Variants in RIPOR3 observed in about 807,000 individuals in gnomAD.
RIPOR3 encodes the protein family with sequence similarity 65 member C.
Under a neutral mutation model 114.3 loss-of-function variants are expected in RIPOR3, and 95 were observed. The observed-to-expected ratio is 0.83, with a 90% CI of 0.70 to 0.99. RIPOR3 has a LOEUF of 0.99. Among genes scored for constraint, RIPOR3 ranks in the 50% least tolerant of loss-of-function variants. The probability of loss-of-function intolerance (pLI) is 0.00; values close to 1 mark genes in which losing one functional copy is unlikely to be tolerated. For missense variants in RIPOR3, 1,252 were observed against 1,266.9 expected (o/e 0.99, Z 0.18); for synonymous variants, 575 against 543.8 (o/e 1.06, Z -0.80).
At position 50,598,681 on chromosome 20, in the gene RIPOR3, G is replaced by A. The variant is rs537054177; in HGVS notation, c.1660-971C>T. On this transcript the variant is annotated intron_variant, in intron 13 of 21. Coordinates refer to ENST00000327979, the MANE Select transcript of RIPOR3 (RefSeq NM_001290268.2). ...TATGTTCTAGAGGCCAAGGCGGGCAGATCACTTGAGGTCAGGAGTTCAAGA... is the reference window on the plus strand; with the variant it reads ...TATGTTCTAGAGGCCAAGGCGGGCAAATCACTTGAGGTCAGGAGTTCAAGA... Among the ~76,000 whole-genome samples the A allele has an allele frequency of 3.3e-3, 495 of 152,290 alleles. 3 individuals are homozygous for A. The highest frequency in any genetic ancestry group is 0.011 in the African/African-American group (475 of 41,556).
chr20:50,616,022 T>G lies in RIPOR3; in HGVS notation c.328A>C (p.Thr110Pro), dbSNP rs2084159814. The G allele has an allele frequency of 6.2e-7, 1 of 1,610,184 alleles. No homozygotes were observed. The highest frequency in any genetic ancestry group is 8.5e-7 in the Non-Finnish European group (1 of 1,178,470). The change falls in exon 4 of 22, where the codon ACC becomes CCC. Residue 110 changes from threonine to proline, a missense_variant. Thr to Pro is a conservative substitution (Grantham distance 38). Coordinates refer to ENST00000327979, the MANE Select transcript of RIPOR3 (RefSeq NM_001290268.2). ...LDHLSGRHKD[T>P]RRNSRLAFYY... ...CTCACCAGCCTGGAATTCCTCCTGG[T>G]GTCTTTGTGGCGTCCAGACAGGTGG...
chr20:50,655,413 A>G (rs909907925), intron 1 of RIPOR3, among the ~76,000 whole-genome samples: 1 of 152,220 alleles, frequency 6.6e-6, no homozygotes, highest in African/African-American at 2.4e-5. Flanking sequence ...AAGCAGCCAG[A>G]CACACGGGCT....
chr20:50,587,853 A>T lies in RIPOR3; in HGVS notation c.2701T>A (p.Ser901Thr). The part of the protein sequence containing the change: ...SIDQTASLCQ[S>T]DLEAVRAAAR... ...GCCGCCCGCACGGCCTCCAGGTCAG[A>T]CTGGCACAGGCTGGCAGTCTGGTCG... Residue 901 changes from serine to threonine, a missense_variant, in exon 21 of 22, where the codon TCT becomes ACT. Transcript: ENST00000327979. 1 of 1,614,166 alleles carries T rather than the reference A, an allele frequency of 6.2e-7. No individual in the cohort carries two copies.
chr20:50,683,775 T>A (rs141593006), intron 1 of RIPOR3, among the ~76,000 whole-genome samples: 139 of 151,784 alleles, frequency 9.2e-4, no homozygotes, highest in Middle Eastern at 3.4e-3. Flanking sequence ...TTACTTGAGG[T>A]CCATTTTTAA....
At chr20:50,679,691 C>A (rs1478656683) in intron 1 of RIPOR3, among the ~76,000 whole-genome samples, 8 of 151,090 alleles carry the variant, frequency 5.3e-5, no homozygotes, top group African/African-American at 1.9e-4. Flanking sequence ...ATCACTTGAA[C>A]CTGGGAGGCA....
intron 1 of RIPOR3, among the ~76,000 whole-genome samples, chr20:50,633,662 G>A (rs1487541722): frequency 6.6e-6 from 1 of 152,172 alleles, no homozygotes; most frequent in Non-Finnish European, 1.5e-5. Flanking sequence ...AAGCCTTCTG[G>A]GCCGTTCCTG....
At position 50,672,042 on chromosome 20, in the gene RIPOR3, TTGGA is replaced by T. The variant is rs1237867734; in HGVS notation, c.3+19080_3+19083del. On this transcript the variant is annotated intron_variant, in intron 1 of 21. Coordinates refer to ENST00000327979, the MANE Select transcript of RIPOR3 (RefSeq NM_001290268.2). ...GATGGGTAGGTGGGTGGGTGGGTGATTGGATGGATGGAAGGATGGATGGGTGGAT... is the reference window on the plus strand; with the variant it reads ...GATGGGTAGGTGGGTGGGTGGGTGATTGGATGGAAGGATGGATGGGTGGAT... Among the ~76,000 whole-genome samples the T allele has an allele frequency of 3.4e-5, 5 of 147,544 alleles. No individual in the cohort carries two copies. In the East Asian group the frequency reaches 8.2e-4, roughly 24 times the overall value.
chr20:50,689,172 CTTTT>C (rs71964773), intron 1 of RIPOR3, among the ~76,000 whole-genome samples: 51 of 88,816 alleles, frequency 5.7e-4, no homozygotes, highest in African/African-American at 1.5e-3. Context: ...CTCCAAACTT[CTTTT>C]TTTTTTTTTT....
At chr20:50,640,447 A>G (rs1459068358) in intron 1 of RIPOR3, among the ~76,000 whole-genome samples, 1 of 148,364 alleles carries the variant, frequency 6.7e-6, no homozygotes, top group African/African-American at 2.5e-5. Flanking sequence ...TTTCCATCCA[A>G]AAACACACAA....
chr20:50,673,849 A>C (rs2086603333), intron 1 of RIPOR3, among the ~76,000 whole-genome samples: 1 of 152,180 alleles, frequency 6.6e-6, no homozygotes, highest in South Asian at 2.1e-4. Flanking sequence ...CGTTGCGAGC[A>C]TTTATTTAAT....
chr20:50,603,182 C>T (rs1216019883), intron 12 of RIPOR3, among the ~76,000 whole-genome samples: 1 of 152,264 alleles, frequency 6.6e-6, no homozygotes, highest in Non-Finnish European at 1.5e-5. Flanking sequence ...AGAATTTCAG[C>T]TCCCTGAGGG....
rs1237446177 is a variant in RIPOR3, at chr20:50,593,081, C to G, written c.2328G>C (p.Gln776His). 1 of 1,614,168 alleles carries G rather than the reference C, an allele frequency of 6.2e-7. No individual in the cohort carries two copies. Among genetic ancestry groups the G allele is most frequent in the Non-Finnish European group, 8.5e-7 (1 of 1,180,056 alleles). ...WFQFHSYLQR[Q>H]SVSDLEKHFT... ...AGTGCTTCTCCAGGTCAGAGACGCT[C>G]TGCCTCTGCAGGTAGCTGTGAAACT... Residue 776 changes from glutamine to histidine, a missense_variant, in exon 18 of 22, where the codon CAG becomes CAC. By Grantham distance (24) the Gln-to-His change is conservative (BLOSUM62 0). Coordinates refer to ENST00000327979, the MANE Select transcript of RIPOR3 (RefSeq NM_001290268.2).
At chr20:50,690,555 C>T (rs929038651) in intron 1 of RIPOR3, among the ~76,000 whole-genome samples, 2 of 152,194 alleles carry the variant, frequency 1.3e-5, no homozygotes, top group African/African-American at 4.8e-5. Flanking sequence ...TTCTCCTTCA[C>T]CCCTGCTGCT....
intron 1 of RIPOR3, among the ~76,000 whole-genome samples, chr20:50,635,439 A>G (rs947782716): frequency 6.6e-6 from 1 of 152,132 alleles, no homozygotes; most frequent in Non-Finnish European, 1.5e-5. Flanking sequence ...GGATCACTTG[A>G]GCCCAGGAGT....
chr20:50,652,284 C>T (rs767988112), intron 1 of RIPOR3, among the ~76,000 whole-genome samples: 13 of 152,102 alleles, frequency 8.5e-5, no homozygotes, highest in Non-Finnish European at 1.9e-4. Context: ...GAGGCCCCAC[C>T]GACTGTCACT....
intron 19 of RIPOR3, among the ~76,000 whole-genome samples, chr20:50,590,671 A>G (rs2083080181): frequency 6.6e-6 from 1 of 152,172 alleles, no homozygotes; most frequent in South Asian, 2.1e-4. Flanking sequence ...CACACTGCCC[A>G]CTGCCTCTAA....
rs190745857 is a variant in RIPOR3 at position 50,667,357 on chromosome 20, G to A, written c.3+23769C>T. ...TACCCAGGCTGGAGTGCAATGGCAC[G>A]ATCTTGGCTCACTGCAACCTCCACC... On this transcript the variant is annotated intron_variant, in intron 1 of 21. Coordinates refer to ENST00000327979, the MANE Select transcript of RIPOR3 (RefSeq NM_001290268.2). Among the ~76,000 whole-genome samples the A allele has an allele frequency of 2.8e-3, 364 of 131,058 alleles. 2 individuals are homozygous for A. Among genetic ancestry groups the A allele is most frequent in the Middle Eastern group, 0.011 (2 of 188 alleles). The allele number at this position is 131,058 out of a possible 152,430, so 86.0% of individuals were successfully genotyped here.
chr20:50,594,836 C>CAGGGAAGGGACCTCGCATCAA, intron 16 of RIPOR3, 122 bp from the exon 17 acceptor site: 1 of 1,146,376 alleles, frequency 8.7e-7, no homozygotes, highest in Non-Finnish European at 1.2e-6. Context: ...TGGCTTGATG[C>CAGGGAAGGGACCTCGCATCAA]GAGGTCCCTT....
At chr20:50,601,661 C>T (rs757839411) in intron 13 of RIPOR3, among the ~76,000 whole-genome samples, 17 of 152,152 alleles carry the variant, frequency 1.1e-4, no homozygotes, top group Non-Finnish European at 2.2e-4. Flanking sequence ...GGGGTATGAG[C>T]CCTGTGGAGA....
Sources: gnomAD v4.1 joint callset for allele counts (sites outside exome capture counted in the v4.1 genomes callset) on GRCh38, gnomAD v4.1.1 for gene constraint, MANE v1.5 for transcripts, NCBI Gene and HGNC (gene_info 2026-07-23, HGNC 2026-07-21) for gene names.